Variants in CEP112 observed in about 807,000 individuals in gnomAD.
CEP112 encodes the protein centrosomal protein 112.
CEP112 carries 127 observed loss-of-function variants against 153.0 expected under a neutral mutation model. The ratio of observed to expected loss-of-function variants is 0.83; its 90% CI spans 0.72 to 0.96. The LOEUF (loss-of-function observed/expected upper bound fraction) is 0.96, where lower values mean the gene tolerates loss of function less well. CEP112 is among the 40% of genes least tolerant of loss of function. The probability of loss-of-function intolerance (pLI) is 0.00; values close to 1 mark genes in which losing one functional copy is unlikely to be tolerated. For missense variants in CEP112, 1,089 were observed against 1,101.2 expected (o/e 0.99, Z 0.16); for synonymous variants, 358 against 374.4 (o/e 0.96, Z 0.51).
intron 4 of CEP112, among the ~76,000 whole-genome samples, chr17:66,168,489 G>A (rs1318814499): frequency 6.6e-6 from 1 of 151,070 alleles, no homozygotes; most frequent in African/African-American, 2.4e-5. Flanking sequence ...ATATATGTGT[G>A]TGTGTATATA....
chr17:66,031,095 C>T (rs1416494181), intron 12 of CEP112, among the ~76,000 whole-genome samples: 1 of 152,170 alleles, frequency 6.6e-6, no homozygotes, highest in Non-Finnish European at 1.5e-5. Context: ...GACTGACAAA[C>T]ATCAGAAGTT....
chr17:66,176,982 C>T lies in CEP112; in HGVS notation c.145G>A (p.Glu49Lys), dbSNP rs146984975. Residue 49 changes from glutamate to lysine, a missense_variant, in exon 3 of 27, where the codon GAA (glutamate) becomes AAA (lysine). Physicochemically the swap from Glu to Lys is moderately conservative, Grantham distance 56 (BLOSUM62 1). Transcript: ENST00000535342. Reference sequence around the variant, plus strand: ...ATTCCTGCACCTGTTCCTGAAGGTTCGCACAGCTTTCTAATCCAAAGAGCA... The same window carrying T: ...ATTCCTGCACCTGTTCCTGAAGGTTTGCACAGCTTTCTAATCCAAAGAGCA... ...RCALWIRKLC[E>K]PSGTGAGIMG... is the part of the protein sequence containing the mutation. 283 of 1,613,184 alleles carry T rather than the reference C, an allele frequency of 1.8e-4. No homozygotes were observed. The highest frequency in any genetic ancestry group is 1.7e-4 in the Non-Finnish European group (201 of 1,179,604).
chr17:65,680,959 A>G (rs1218570899), intron 24 of CEP112, among the ~76,000 whole-genome samples: 2 of 152,176 alleles, frequency 1.3e-5, no homozygotes, highest in Non-Finnish European at 1.5e-5. Context: ...GTCACCTCCC[A>G]CCAGGTCTCT....
chr17:66,047,016 G>A (rs544336619), intron 12 of CEP112, among the ~76,000 whole-genome samples: 10 of 152,258 alleles, frequency 6.6e-5, no homozygotes, highest in Admixed American at 2.0e-4. Flanking sequence ...TAAGCCACTC[G>A]GTTTGTGGTC....
intron 17 of CEP112, among the ~76,000 whole-genome samples, chr17:65,978,187 T>G (rs973831569): frequency 6.6e-6 from 1 of 152,004 alleles, no homozygotes; most frequent in Non-Finnish European, 1.5e-5. Context: ...AGCCCAGAGG[T>G]TGAGGCTGCA....
Position 66,162,076 on chromosome 17 carries a change from C to T in CEP112, c.470+12968G>A, listed in dbSNP as rs139163577. Among the ~76,000 whole-genome samples, 190 of 152,064 alleles carry T rather than the reference C, an allele frequency of 1.2e-3. 1 individual carries two copies. Among genetic ancestry groups the T allele is most frequent in the African/African-American group, 4.4e-3 (183 of 41,486 alleles). On this transcript the variant is annotated intron_variant, in intron 4 of 26. Coordinates refer to ENST00000535342, the MANE Select transcript of CEP112 (RefSeq NM_001199165.4). ...AGAGTGAAAAAAGATATTTGCAATA[C>T]ATATATTCAACACAGAATTAGTATC...
chr17:65,702,133 C>T (rs1232862062), intron 23 of CEP112, among the ~76,000 whole-genome samples: 1 of 152,086 alleles, frequency 6.6e-6, no homozygotes, highest in Middle Eastern at 3.2e-3. Flanking sequence ...GCCTCGGCCT[C>T]CCAAAATGCT....
intron 12 of CEP112, among the ~76,000 whole-genome samples, chr17:66,046,232 T>C (rs1407915966): frequency 6.6e-6 from 1 of 152,004 alleles, no homozygotes; most frequent in Middle Eastern, 3.2e-3. Flanking sequence ...TTAGTAGAGA[T>C]GGGGTTTCAC....
At chr17:65,802,336 A>G (rs1052972478) in intron 21 of CEP112, among the ~76,000 whole-genome samples, 2 of 152,130 alleles carry the variant, frequency 1.3e-5, no homozygotes, top group Admixed American at 1.3e-4. Context: ...TTATTCCACA[A>G]AATTTCTCTG....
chr17:66,054,947 G>A (rs1229258771), intron 11 of CEP112, among the ~76,000 whole-genome samples: 4 of 150,700 alleles, frequency 2.7e-5, no homozygotes, highest in South Asian at 2.1e-4. Flanking sequence ...TAGTAGAGCC[G>A]GGGTTTCACC....
chr17:66,111,906 C>T (rs1432269655), intron 6 of CEP112, among the ~76,000 whole-genome samples: 2 of 152,234 alleles, frequency 1.3e-5, no homozygotes, highest in African/African-American at 2.4e-5. Context: ...CCAAAAAATA[C>T]ATCATCAAGA....
intron 24 of CEP112, among the ~76,000 whole-genome samples, chr17:65,687,862 G>C (rs1199364827): frequency 6.6e-6 from 1 of 152,152 alleles, no homozygotes; most frequent in Non-Finnish European, 1.5e-5. Flanking sequence ...CAATATTCCT[G>C]TACTGAGTTT....
rs114905373 is a variant in CEP112, at chr17:65,657,296, C to T, written c.2698-16231G>A. ...TGTTTTTCTTGTTAATAATAACATT[C>T]CTAATATTTTTTCTTTCCTTAGGTT... On this transcript the variant is annotated intron_variant, in intron 24 of 26. Transcript: ENST00000535342. Among the ~76,000 whole-genome samples the T allele has an allele frequency of 8.9e-3, 1,359 of 152,218 alleles. 17 individuals are homozygous for T. Among genetic ancestry groups the T allele is most frequent in the African/African-American group, 0.03 (1,253 of 41,514 alleles).
chr17:65,948,395 C>T (rs16958694), intron 18 of CEP112, among the ~76,000 whole-genome samples: 72,942 of 151,808 alleles, frequency 0.48, 18,508 homozygotes, highest in East Asian at 0.89. Flanking sequence ...AAGTGGCTAG[C>T]GGAAGCCCCA....
chr17:65,900,520 C>T (rs2059807446), intron 20 of CEP112, among the ~76,000 whole-genome samples: 1 of 152,118 alleles, frequency 6.6e-6, no homozygotes, highest in African/African-American at 2.4e-5. Context: ...CATGCAAAAT[C>T]ACAAAGGTTC....
At chr17:65,863,749 CA>C (rs397949072) in intron 20 of CEP112, among the ~76,000 whole-genome samples, 10 of 125,634 alleles carry the variant, frequency 8.0e-5, no homozygotes, top group Admixed American at 2.5e-4. Flanking sequence ...GACTCTGTCT[CA>C]AAAAAAAAAA....
intron 20 of CEP112, among the ~76,000 whole-genome samples, chr17:65,887,375 T>C (rs2059317237): frequency 6.6e-6 from 1 of 152,184 alleles, no homozygotes. Flanking sequence ...AATTAGGCCA[T>C]TTTCTGATTG....
chr17:65,688,247 G>A (rs1025502675), intron 24 of CEP112: 3 of 152,166 alleles, frequency 2.0e-5, no homozygotes, highest in African/African-American at 7.2e-5. Context: ...ATGCCTCTAA[G>A]CAAAATAATA....
chr17:65,902,956 T>C (rs1285092271), intron 19 of CEP112: 1 of 152,322 alleles, frequency 6.6e-6, no homozygotes, highest in Admixed American at 6.5e-5. Flanking sequence ...CCTTTCCCAG[T>C]CCACTCCACA....
Sources: allele counts gnomAD v4.1 joint callset (sites outside exome capture counted in the v4.1 genomes callset), GRCh38; gene constraint gnomAD v4.1.1; transcripts MANE v1.5; gene names NCBI Gene and HGNC (gene_info 2026-07-23, HGNC 2026-07-21).